CYB5A: variants seen among roughly 807,000 people sequenced by gnomAD.
CYB5A encodes the protein cytochrome b5.
CYB5A carries 10 observed loss-of-function variants against 16.2 expected under a neutral mutation model. That is an observed-to-expected ratio of 0.62 (90% CI 0.38 to 1.04). The LOEUF is 1.04. CYB5A is among the 50% of genes least tolerant of loss of function. The probability of loss-of-function intolerance (pLI) is 0.01; values close to 1 mark genes in which losing one functional copy is unlikely to be tolerated. For missense variants in CYB5A, 161 were observed against 165.9 expected (o/e 0.97, Z 0.16); for synonymous variants, 62 against 57.0 (o/e 1.09, Z -0.40).
intron 1 of CYB5A, among the ~76,000 whole-genome samples, chr18:74,276,850 C>T (rs1982901895): frequency 6.6e-6 from 1 of 152,138 alleles, no homozygotes; most frequent in South Asian, 2.1e-4. Flanking sequence ...TTGGCAGCTA[C>T]CCATCTGCAG....
At chr18:74,262,462 A>AAG (rs1355776892) in intron 2 of CYB5A, among the ~76,000 whole-genome samples, 2 of 151,078 alleles carry the variant, frequency 1.3e-5, no homozygotes, top group Admixed American at 6.6e-5. Flanking sequence ...TCTCAAAAAA[A>AAG]AAAAAAAAGA....
chr18:74,260,682 A>G, intron 3 of CYB5A: 1 of 603,160 alleles, frequency 1.7e-6, no homozygotes, highest in Non-Finnish European at 3.1e-6. Flanking sequence ...ATTATGATGA[A>G]AAAAGTAGTT....
intron 2 of CYB5A, chr18:74,261,321 T>G (rs1322522020): frequency 3.5e-5 from 10 of 287,936 alleles, no homozygotes; most frequent in Non-Finnish European, 6.8e-6. Flanking sequence ...ATCTCTTACG[T>G]GTATGATATC....
At chr18:74,275,947 A>G (rs1982857212) in intron 1 of CYB5A, among the ~76,000 whole-genome samples, 1 of 152,024 alleles carries the variant, frequency 6.6e-6, no homozygotes. Flanking sequence ...ATACCCCAAC[A>G]CCAGCGCGGC....
chr18:74,260,934 G>T lies in CYB5A; in HGVS notation c.269C>A (p.Pro90Gln). Residue 90 changes from proline (P) to glutamine (Q), a missense_variant, in exon 3 of 5, where the codon CCA becomes CAA. Pro to Gln is a moderately conservative substitution (Grantham distance 76). Coordinates refer to ENST00000340533, the MANE Select transcript of CYB5A (RefSeq NM_148923.4). The stretch of plus-strand genomic sequence containing the variant: ...ACTTACCGGAGGCTTGTTTAACTTT[G>T]GTCTGTCATCCTGCAATGAAAAGAT... ...IIGELHPDDR[P>Q]KLNKPPETLI... is the part of the protein sequence containing the mutation. 6.2e-7 allele frequency: 1 copy of T among 1,612,238 alleles called. No homozygotes were observed. Among genetic ancestry groups the T allele is most frequent in the South Asian group, 1.1e-5 (1 of 91,040 alleles).
At chr18:74,291,526 G>T (rs547082971) in intron 1 of CYB5A, among the ~76,000 whole-genome samples, 82 of 149,328 alleles carry the variant, frequency 5.5e-4, no homozygotes, top group African/African-American at 1.9e-3. Flanking sequence ...GTGTGAGCGC[G>T]CAGGTGTGCG....
intron 1 of CYB5A, among the ~76,000 whole-genome samples, chr18:74,286,282 G>A (rs1983317066): frequency 1.3e-5 from 2 of 152,298 alleles, no homozygotes; most frequent in East Asian, 1.9e-4. Flanking sequence ...CAATAAAGTT[G>A]TATGTTTAAA....
At chr18:74,277,868 C>G (rs921539505) in intron 1 of CYB5A, among the ~76,000 whole-genome samples, 2 of 152,132 alleles carry the variant, frequency 1.3e-5, no homozygotes, top group African/African-American at 4.8e-5. Flanking sequence ...GGGCTTGGGT[C>G]TCCAGTGAGA....
intron 1 of CYB5A, among the ~76,000 whole-genome samples, chr18:74,271,604 T>C (rs943162689): frequency 6.6e-6 from 1 of 152,198 alleles, no homozygotes; most frequent in African/African-American, 2.4e-5. Flanking sequence ...TGTGAAATGA[T>C]TCAATCAAGC....
At chr18:74,282,824 A>G (rs1292008278) in intron 1 of CYB5A, among the ~76,000 whole-genome samples, 4 of 152,228 alleles carry the variant, frequency 2.6e-5, no homozygotes, top group Non-Finnish European at 4.4e-5. Flanking sequence ...AGAGCTTTCC[A>G]AACCAGGGCA....
rs539356105 is a variant in CYB5A, at chr18:74,253,412, G to A, written c.*172C>T. On this transcript the variant is annotated 3_prime_UTR_variant, in exon 5 of 5. Transcript: ENST00000340533. The stretch of plus-strand genomic sequence containing the variant: ...AAAGGCACACTCGAAAAATTTGAGC[G>A]CAGAAAGGACAGTTCTTTTTGTTTT... The A allele has an allele frequency of 2.1e-4, 114 of 543,550 alleles. No homozygotes were observed. The highest frequency in any genetic ancestry group is 2.1e-3 in the Middle Eastern group (4 of 1,938). The allele number at this position is 543,550 out of a possible 1,614,324, so 33.7% of individuals were successfully genotyped here.
Position 74,253,775 on chromosome 18 carries a change from T to C in CYB5A, c.324-110A>G. On this transcript the variant is annotated intron_variant, in intron 4 of 4. Coordinates refer to ENST00000340533, the MANE Select transcript of CYB5A (RefSeq NM_148923.4). ...CCAGGGCATGTTTTTCTTAACTCTGTAATGAATTTTGCTGAAAAGGCAACG... is the reference window on the plus strand; with the variant it reads ...CCAGGGCATGTTTTTCTTAACTCTGCAATGAATTTTGCTGAAAAGGCAACG... 3 of 776,212 alleles carry C rather than the reference T, an allele frequency of 3.9e-6. No individual in the cohort carries two copies. In the South Asian group the frequency reaches 4.4e-5, roughly 11 times the overall value. The allele number at this position is 776,212 out of a possible 1,614,324, so 48.1% of individuals were successfully genotyped here.
chr18:74,258,753 G>T (rs561387549), intron 3 of CYB5A: 1 of 152,198 alleles, frequency 6.6e-6, no homozygotes, highest in Non-Finnish European at 1.5e-5. Context: ...ACATTCTTCC[G>T]GTTCTGCTCT....
rs183030167 is a variant in CYB5A at position 74,290,102 on chromosome 18, C to T, written c.129+1645G>A. Among the ~76,000 whole-genome samples the T allele has an allele frequency of 5.4e-3, 820 of 152,208 alleles. 6 individuals carry two copies. Among genetic ancestry groups the T allele is most frequent in the African/African-American group, 0.019 (784 of 41,520 alleles). ...TGATGTTATATGACAAGATCTGCAGCCGGGCAGGAGGGAGAGGACAGGTCA... is the reference window on the plus strand; with the variant it reads ...TGATGTTATATGACAAGATCTGCAGTCGGGCAGGAGGGAGAGGACAGGTCA... On this transcript the variant is annotated intron_variant, in intron 1 of 4. Transcript: ENST00000340533.
intron 1 of CYB5A, among the ~76,000 whole-genome samples, chr18:74,265,072 T>A (rs1982381987): frequency 6.6e-6 from 1 of 152,240 alleles, no homozygotes. Context: ...CAGAGTCGAC[T>A]GTGGTCAGTC....
rs1286637543 is a variant in CYB5A at position 74,252,070 on chromosome 18, T to C, written c.*1514A>G. 3 of 152,212 alleles carry C rather than the reference T, an allele frequency of 2.0e-5. No individual in the cohort carries two copies. The highest frequency in any genetic ancestry group is 4.4e-5 in the Non-Finnish European group (3 of 68,036). 9.4% of individuals were successfully genotyped at this position (152,212 alleles called of 1,614,324 possible). On this transcript the variant is annotated 3_prime_UTR_variant, in exon 5 of 5. Coordinates refer to ENST00000340533, the MANE Select transcript of CYB5A (RefSeq NM_148923.4). The stretch of plus-strand genomic sequence containing the variant: ...TACATAGGTCCCTTAACAAGTGTTG[T>C]AATTTATTTTGAAATAGAAACTACT...
At chr18:74,282,581 G>C (rs1488117638) in intron 1 of CYB5A, among the ~76,000 whole-genome samples, 1 of 152,180 alleles carries the variant, frequency 6.6e-6, no homozygotes, top group East Asian at 1.9e-4. Context: ...TATCACAGCC[G>C]GGAGGGTCTA....
intron 4 of CYB5A, among the ~76,000 whole-genome samples, chr18:74,255,019 AGTGGGGTTTG>A (rs1326981239): frequency 7.2e-5 from 11 of 152,330 alleles, no homozygotes; most frequent in African/African-American, 2.6e-4. Flanking sequence ...CTTTTGTCTT[AGTGGGGTTTG>A]GTGGGGTTTT....
At chr18:74,275,522 T>C (rs1037269624) in intron 1 of CYB5A, among the ~76,000 whole-genome samples, 1 of 152,138 alleles carries the variant, frequency 6.6e-6, no homozygotes, top group African/African-American at 2.4e-5. Flanking sequence ...TTAGGGCAAA[T>C]AAACTCCTGT....
Sources: allele counts gnomAD v4.1 joint callset (sites outside exome capture counted in the v4.1 genomes callset), GRCh38; gene constraint gnomAD v4.1.1; transcripts MANE v1.5; gene names NCBI Gene and HGNC (gene_info 2026-07-23, HGNC 2026-07-21).